Variants in DCUN1D4 observed in about 807,000 individuals in gnomAD.
DCUN1D4 encodes defective in cullin neddylation 1 domain containing 4.
A neutral mutation model predicts 47.9 loss-of-function variants in DCUN1D4; 22 were observed. That is an observed-to-expected ratio of 0.46 (90% CI 0.33 to 0.66). The LOEUF (loss-of-function observed/expected upper bound fraction) is 0.66. Ranked by LOEUF, DCUN1D4 falls within the 30% of genes least tolerant of loss-of-function variation. DCUN1D4 has a pLI of 0.02. For missense variants in DCUN1D4, 301 were observed against 340.8 expected, an observed-to-expected ratio of 0.88 and a Z score of 0.92; for synonymous variants, 121 against 112.2, an observed-to-expected ratio of 1.08 and a Z score of -0.50.
At chr4:51,856,337 G>A (rs1371718040) in intron 1 of DCUN1D4, among the ~76,000 whole-genome samples, 1 of 152,172 alleles carries the variant, frequency 6.6e-6, no homozygotes, top group Admixed American at 6.5e-5. Flanking sequence ...TGATGCTTTA[G>A]TGACCAGAAG....
intron 3 of DCUN1D4, among the ~76,000 whole-genome samples, 188 bp from the exon 4 acceptor site, chr4:51,874,083 G>A (rs541755129): frequency 7.9e-5 from 12 of 152,228 alleles, no homozygotes; most frequent in East Asian, 5.8e-4. Flanking sequence ...TATTTGTGTC[G>A]TCGCTAGGTT....
chr4:51,856,917 T>C (rs1724230355), intron 1 of DCUN1D4, among the ~76,000 whole-genome samples: 1 of 152,212 alleles, frequency 6.6e-6, no homozygotes, highest in Non-Finnish European at 1.5e-5. Flanking sequence ...GCCTATTCCT[T>C]CCTCCAGCAT....
chr4:51,853,192 C>T (rs1723625026), intron 1 of DCUN1D4, among the ~76,000 whole-genome samples: 1 of 152,176 alleles, frequency 6.6e-6, no homozygotes, highest in Admixed American at 6.5e-5. Flanking sequence ...CGGATGGTTT[C>T]TTCTCCCAGC....
At chr4:51,842,117 AC>A (rs1310802255), upstream of DCUN1D4, among the ~76,000 whole-genome samples, 24 of 152,292 alleles carry the variant, frequency 1.6e-4, no homozygotes, top group Admixed American at 8.5e-4. Context: ...CGAATTCTTG[AC>A]TTAGGGTCAG....
intron 6 of DCUN1D4, among the ~76,000 whole-genome samples, chr4:51,891,224 T>C (rs1176835612): frequency 6.6e-6 from 1 of 152,268 alleles, no homozygotes; most frequent in Non-Finnish European, 1.5e-5. Context: ...AATTATTCCA[T>C]ATTTGTCCAG....
At chr4:51,843,037 C>A, upstream of DCUN1D4, 1 of 1,366,530 alleles carries the variant, frequency 7.3e-7, no homozygotes. Flanking sequence ...TCCAGACCGG[C>A]GCTATGGGCA....
At chr4:51,912,207 A>G (rs1271857974) in intron 9 of DCUN1D4, among the ~76,000 whole-genome samples, 20 of 152,174 alleles carry the variant, frequency 1.3e-4, no homozygotes, top group Admixed American at 1.3e-3. Flanking sequence ...TTATTTGGAA[A>G]AATAAATAGA....
chr4:51,909,295 G>A (rs1733359685), intron 8 of DCUN1D4: 1 of 265,072 alleles, frequency 3.8e-6, no homozygotes, highest in Non-Finnish European at 7.5e-6. Context: ...CAGAGCGCCA[G>A]TGTTGTCAGC....
intron 7 of DCUN1D4, among the ~76,000 whole-genome samples, chr4:51,893,628 T>C (rs1390238028): frequency 1.3e-5 from 2 of 152,162 alleles, no homozygotes; most frequent in South Asian, 2.1e-4. Flanking sequence ...GGTTTCGCCA[T>C]GTTGGCTAGG....
intron 10 of DCUN1D4, 43 bp downstream of exon 10, chr4:51,913,435 A>T: frequency 6.3e-7 from 1 of 1,577,706 alleles, no homozygotes; most frequent in Non-Finnish European, 8.7e-7. Flanking sequence ...GTACATTTCT[A>T]TATCATCCTC....
At chr4:51,872,929 A>G (rs575121827) in intron 3 of DCUN1D4, among the ~76,000 whole-genome samples, 2 of 152,370 alleles carry the variant, frequency 1.3e-5, no homozygotes, top group South Asian at 4.1e-4. Flanking sequence ...TTATTTCAGC[A>G]ACACCCGAAC....
At chr4:51,863,374 G>A in intron 1 of DCUN1D4, 63 bp from the exon 2 acceptor site, 1 of 1,274,854 alleles carries the variant, frequency 7.8e-7, no homozygotes. Flanking sequence ...TTTATTTTCT[G>A]AGTTTGTTTT....
intron 1 of DCUN1D4, 37 bp downstream of exon 1, chr4:51,843,304 G>C (rs759289502): frequency 6.6e-7 from 1 of 1,507,356 alleles, no homozygotes; most frequent in Non-Finnish European, 8.9e-7. Context: ...GCCGGGGCCG[G>C]GCGGCTGCCA....
intron 7 of DCUN1D4, among the ~76,000 whole-genome samples, chr4:51,893,425 C>A (rs756435744): frequency 2.0e-5 from 3 of 151,026 alleles, no homozygotes; most frequent in Non-Finnish European, 3.0e-5. Flanking sequence ...CTTTTCTTTT[C>A]TTTTCTTTTC....
intron 1 of DCUN1D4, among the ~76,000 whole-genome samples, chr4:51,847,608 A>AT (rs1292008566): frequency 6.8e-6 from 1 of 146,126 alleles, no homozygotes; most frequent in African/African-American, 2.5e-5. Context: ...CCAGCAATAC[A>AT]TTTTTCTTTC....
At chr4:51,839,562 C>G (rs1009501796), upstream of DCUN1D4, among the ~76,000 whole-genome samples, 1 of 152,210 alleles carries the variant, frequency 6.6e-6, no homozygotes, top group African/African-American at 2.4e-5. Flanking sequence ...GAAAACTATC[C>G]TGCCCTCTAT....
chr4:51,868,211 G>C (rs1358958094), intron 3 of DCUN1D4, among the ~76,000 whole-genome samples: 2 of 152,196 alleles, frequency 1.3e-5, no homozygotes, highest in African/African-American at 4.8e-5. Context: ...GGATGCCTGG[G>C]TCCGCAGCCA....
chr4:51,912,240 G>A (rs747587305), intron 9 of DCUN1D4, among the ~76,000 whole-genome samples: 1 of 152,188 alleles, frequency 6.6e-6, no homozygotes, highest in African/African-American at 2.4e-5. Context: ...TTCTCAGAGA[G>A]TTTAGCTGGA....
At chr4:51,892,956 T>C (rs1730667666) in intron 7 of DCUN1D4, among the ~76,000 whole-genome samples, 1 of 152,254 alleles carries the variant, frequency 6.6e-6, no homozygotes, top group African/African-American at 2.4e-5. Flanking sequence ...TTAATATCAC[T>C]GTCCATTTGT....
Sources: allele counts gnomAD v4.1 joint callset (sites outside exome capture counted in the v4.1 genomes callset), GRCh38; gene constraint gnomAD v4.1.1; transcripts MANE v1.5; gene names NCBI Gene and HGNC (gene_info 2026-07-23, HGNC 2026-07-21).